RASEF: variants seen among roughly 807,000 people sequenced by gnomAD.
RASEF encodes the protein RAS and EF-hand domain containing.
Under a neutral mutation model 90.1 loss-of-function variants are expected in RASEF, and 68 were observed. The ratio of observed to expected loss-of-function variants is 0.75; its 90% confidence interval spans 0.62 to 0.92. The LOEUF (loss-of-function observed/expected upper bound fraction) is 0.92, where lower values mean the gene tolerates loss of function less well. RASEF is among the 40% of genes least tolerant of loss of function. The pLI, the probability that RASEF is intolerant of heterozygous loss-of-function variation, is 0.00. For synonymous variants in RASEF, 331 were observed against 345.2 expected, an observed-to-expected ratio of 0.96 and a Z score of 0.46; for missense variants, 949 against 937.2, an observed-to-expected ratio of 1.01 and a Z score of -0.16.
chr9:83,047,789 A>G (rs1829959489), intron 1 of RASEF, among the ~76,000 whole-genome samples: 1 of 152,246 alleles, frequency 6.6e-6, no homozygotes, highest in African/African-American at 2.4e-5. Flanking sequence ...AAGGGAAATA[A>G]GTAACACCAT....
rs201767895 is a variant in RASEF at position 83,000,582 on chromosome 9, A to T, written c.1438-12T>A. On this transcript the variant is annotated splice_polypyrimidine_tract_variant and intron_variant, in intron 10 of 16. Coordinates refer to ENST00000376447, the MANE Select transcript of RASEF (RefSeq NM_152573.4). ...CTTATGTCAGGAACCTATTTTTTTT[A>T]AAATGTCAGCAGTTAAATTAAAAAA... The T allele has an allele frequency of 1.2e-4, 185 of 1,580,258 alleles. No individual in the cohort carries two copies. Among genetic ancestry groups the T allele is most frequent in the Admixed American group, 7.2e-4 (37 of 51,150 alleles).
At chr9:83,203,826 T>A in the RASEF span, among the ~76,000 whole-genome samples, 2 of 151,920 alleles carry the variant, frequency 1.3e-5, no homozygotes. Flanking sequence ...CCAGCAGAAC[T>A]AAGGGAGGTC....
chr9:83,018,893 CA>C (rs1313593630), intron 3 of RASEF, among the ~76,000 whole-genome samples: 1 of 152,020 alleles, frequency 6.6e-6, no homozygotes. Flanking sequence ...GGATAAAGTG[CA>C]GAGGCAATTC....
chr9:83,134,201 C>T, the RASEF span, among the ~76,000 whole-genome samples: 1 of 152,090 alleles, frequency 6.6e-6, no homozygotes, highest in African/African-American at 2.4e-5. Context: ...TACTCTCAGC[C>T]ACCTGACTAG....
rs555842009 is a variant in RASEF, at chr9:83,058,172, C to CTTTTTT, written c.431+4259_431+4264dup. On this transcript the variant is annotated intron_variant, in intron 1 of 16. Coordinates refer to ENST00000376447, the MANE Select transcript of RASEF (RefSeq NM_152573.4). The stretch of plus-strand genomic sequence containing the variant: ...CGGCTCACTCCTGATGTATTTATGT[C>CTTTTTT]TTTTTTTTTTTTTTTTTTTTTTTTT... 5.0e-4 allele frequency among the ~76,000 whole-genome samples: 29 copies of CTTTTTT among 57,896 alleles called. 1 individual carries two copies. The highest frequency in any genetic ancestry group is 0.014 in the Middle Eastern group (1 of 74). 38.0% of individuals were successfully genotyped at this position (57,896 alleles called of 152,430 possible). A position where few individuals can be genotyped will look rare whatever the true frequency, so the allele number is the denominator to read the frequency against.
the RASEF span, among the ~76,000 whole-genome samples, chr9:83,177,917 C>T: frequency 2.8e-4 from 42 of 151,870 alleles, no homozygotes; most frequent in African/African-American, 9.9e-4. Flanking sequence ...GCATGCTTAC[C>T]GATTTTCTTC....
At position 83,000,590 on chromosome 9, in the gene RASEF, A is replaced by C. The variant is rs774892004; in HGVS notation, c.1438-20T>G. On this transcript the variant is annotated intron_variant, in intron 10 of 16. Coordinates refer to ENST00000376447, the MANE Select transcript of RASEF (RefSeq NM_152573.4). ...AGGAACCTATTTTTTTTAAAATGTCAGCAGTTAAATTAAAAAATGTCAGCA... is the reference window on the plus strand; with the variant it reads ...AGGAACCTATTTTTTTTAAAATGTCCGCAGTTAAATTAAAAAATGTCAGCA... The C allele has an allele frequency of 1.9e-6, 3 of 1,575,146 alleles. No homozygotes were observed. The Admixed American group carries it at 6.0e-5, about 31-fold the overall frequency.
the RASEF span, among the ~76,000 whole-genome samples, chr9:83,161,912 T>C: frequency 6.6e-6 from 1 of 152,044 alleles, no homozygotes; most frequent in South Asian, 2.1e-4. Flanking sequence ...AAGTGAGATG[T>C]GACTTCACCT....
chr9:83,055,615 G>T (rs1182284641), intron 1 of RASEF: 4 of 717,966 alleles, frequency 5.6e-6, no homozygotes, highest in Non-Finnish European at 1.0e-5. Flanking sequence ...TTTAGCCCAT[G>T]ACAATGCACA....
the RASEF span, among the ~76,000 whole-genome samples, chr9:83,089,739 C>G: frequency 1.3e-5 from 2 of 152,118 alleles, no homozygotes; most frequent in African/African-American, 4.8e-5. Context: ...TGCAATTTCT[C>G]TATGTGTGAA....
At chr9:83,061,765 A>G (rs1437353288) in intron 1 of RASEF, among the ~76,000 whole-genome samples, 3 of 152,204 alleles carry the variant, frequency 2.0e-5, no homozygotes, top group Admixed American at 6.5e-5. Context: ...CGTCACATAA[A>G]AAGTGAGTTT....
At chr9:83,027,963 C>T (rs1829577142) in intron 1 of RASEF, among the ~76,000 whole-genome samples, 4 of 152,132 alleles carry the variant, frequency 2.6e-5, no homozygotes, top group African/African-American at 4.8e-5. Flanking sequence ...TAGTGGATCC[C>T]TGCTTGCTAG....
the RASEF span, among the ~76,000 whole-genome samples, chr9:83,121,658 C>G: frequency 6.6e-6 from 1 of 152,198 alleles, no homozygotes. Context: ...ATAAAACACT[C>G]TGATCCCTGC....
At chr9:83,009,972 A>AT (rs1313254363) in intron 5 of RASEF, among the ~76,000 whole-genome samples, 2 of 152,142 alleles carry the variant, frequency 1.3e-5, no homozygotes, top group African/African-American at 4.8e-5. Flanking sequence ...GTCATTCTTC[A>AT]TTTTTTTATG....
upstream of RASEF, among the ~76,000 whole-genome samples, chr9:83,066,801 G>A (rs567413633): frequency 2.6e-5 from 4 of 151,594 alleles, no homozygotes; most frequent in Non-Finnish European, 4.4e-5. Flanking sequence ...ATATTCCTTT[G>A]AGATAAAGCT....
chr9:83,078,680 G>A, the RASEF span, among the ~76,000 whole-genome samples: 35 of 151,836 alleles, frequency 2.3e-4, no homozygotes, highest in South Asian at 2.1e-4. Context: ...AAAAAAAAGA[G>A]AGAGAGAGAG....
intron 7 of RASEF, 134 bp from the exon 8 acceptor site, chr9:83,005,634 C>T (rs769811972): frequency 1.5e-6 from 1 of 680,544 alleles, no homozygotes; most frequent in Non-Finnish European, 2.6e-6. Flanking sequence ...TCCACCACTT[C>T]CCTTCAAACC....
the RASEF span, chr9:83,200,869 A>G: frequency 6.6e-6 from 1 of 152,416 alleles, no homozygotes; most frequent in East Asian, 1.9e-4. Context: ...TGAGGCTGCC[A>G]GTCTGGACAT....
At chr9:83,048,601 A>G in intron 1 of RASEF, 1 of 985,410 alleles carries the variant, frequency 1.0e-6, no homozygotes, top group Non-Finnish European at 1.2e-6. Flanking sequence ...AAAAATAGGA[A>G]AAAGGGCGAG....
Sources: allele counts gnomAD v4.1 joint callset (sites outside exome capture counted in the v4.1 genomes callset), GRCh38; gene constraint gnomAD v4.1.1; transcripts MANE v1.5; gene names NCBI Gene and HGNC (gene_info 2026-07-23, HGNC 2026-07-21).